Variants in SP100 observed in about 807,000 individuals in gnomAD.
SP100 encodes the protein nuclear autoantigen Sp-100.
Under a neutral mutation model 130.0 loss-of-function variants are expected in SP100, and 84 were observed. The observed-to-expected ratio is 0.65, with a 90% CI of 0.54 to 0.77. The LOEUF is 0.77. Among genes scored for constraint, SP100 ranks in the 30% least tolerant of loss-of-function variants. The pLI, the probability that SP100 is intolerant of heterozygous loss-of-function variation, is 0.00. For synonymous variants in SP100, 331 were observed against 351.7 expected (o/e 0.94, Z 0.66); for missense variants, 978 against 1,052.2 (o/e 0.93, Z 0.97).
chr2:230,488,390 T>G (rs2066223008), intron 17 of SP100, among the ~76,000 whole-genome samples: 1 of 151,866 alleles, frequency 6.6e-6, no homozygotes, highest in Non-Finnish European at 1.5e-5. Context: ...GAGTTTTTTT[T>G]GTTTGTTTGG....
At chr2:230,515,463 G>A (rs1334196698) in intron 24 of SP100, 2 of 1,613,624 alleles carry the variant, frequency 1.2e-6, no homozygotes, top group Non-Finnish European at 1.7e-6. Flanking sequence ...ATGAAAAGAA[G>A]GCTGCAAAGC....
intron 5 of SP100, among the ~76,000 whole-genome samples, chr2:230,447,127 G>C (rs2063745397): frequency 6.6e-6 from 1 of 152,154 alleles, no homozygotes; most frequent in African/African-American, 2.4e-5. Context: ...CAGTAGGCCA[G>C]ATTTACAGAT....
At chr2:230,522,254 T>TTG (rs1691206090) in intron 24 of SP100, among the ~76,000 whole-genome samples, 1 of 152,048 alleles carries the variant, frequency 6.6e-6, no homozygotes, top group African/African-American at 2.4e-5. Flanking sequence ...GTTTTGGTGA[T>TTG]TGTGTGTGTG....
At chr2:230,449,002 G>T in intron 5 of SP100, 86 bp from the exon 6 acceptor site, 1 of 874,478 alleles carries the variant, frequency 1.1e-6, no homozygotes, top group Non-Finnish European at 2.0e-6. Context: ...TAACTCCTAC[G>T]TTACAGAGAC....
At chr2:230,488,577 C>T (rs1402802599) in intron 17 of SP100, among the ~76,000 whole-genome samples, 1 of 152,082 alleles carries the variant, frequency 6.6e-6, no homozygotes, top group Admixed American at 6.6e-5. Context: ...CCATGCCTGG[C>T]TAATTTTTAG....
intron 24 of SP100, chr2:230,515,005 G>A: frequency 6.4e-7 from 1 of 1,569,206 alleles, no homozygotes; most frequent in Non-Finnish European, 8.6e-7. Flanking sequence ...GTACCTTGCT[G>A]AGGAAAAATA....
chr2:230,541,703 C>T (rs961229232), intron 27 of SP100, among the ~76,000 whole-genome samples, 189 bp from the exon 28 acceptor site: 4 of 152,100 alleles, frequency 2.6e-5, no homozygotes, highest in Non-Finnish European at 5.9e-5. Flanking sequence ...TATAAGAGCC[C>T]TAATCCTATT....
At chr2:230,463,952 G>C in intron 10 of SP100, 115 bp from the exon 11 acceptor site, 1 of 683,376 alleles carries the variant, frequency 1.5e-6, no homozygotes, top group Non-Finnish European at 2.6e-6. Context: ...GTGTACAGGC[G>C]AGGACTTGCA....
At chr2:230,437,900 A>C (rs1237224060) in intron 2 of SP100, among the ~76,000 whole-genome samples, 8 of 152,150 alleles carry the variant, frequency 5.3e-5, no homozygotes, top group Admixed American at 4.6e-4. Context: ...TAAATCACTC[A>C]TTAATTTATC....
At chr2:230,443,886 T>C (rs1222670333) in intron 3 of SP100, among the ~76,000 whole-genome samples, 4 of 152,228 alleles carry the variant, frequency 2.6e-5, no homozygotes, top group African/African-American at 9.6e-5. Flanking sequence ...CCTAAAAACA[T>C]ATGGATCAGG....
chr2:230,429,399 T>C lies in SP100; in HGVS notation c.107+11734T>C, dbSNP rs558657338. Among the ~76,000 whole-genome samples the C allele has an allele frequency of 9.2e-5, 14 of 152,334 alleles. No homozygotes were observed. In the South Asian group the frequency reaches 2.5e-3, roughly 27 times the overall value. On this transcript the variant is annotated intron_variant, in intron 2 of 28. Transcript: ENST00000340126. ...TGCTTTCAAAATATTGTCTTTATCT[T>C]TTGATAATTTAATTATAATATTTCT...
intron 8 of SP100, among the ~76,000 whole-genome samples, chr2:230,454,539 A>T (rs749683492): frequency 1.3e-5 from 2 of 152,016 alleles, no homozygotes; most frequent in Non-Finnish European, 2.9e-5. Flanking sequence ...TAATTTCTTC[A>T]TTGACCCATT....
intron 4 of SP100, among the ~76,000 whole-genome samples, chr2:230,444,768 G>A (rs1195033645): frequency 3.9e-5 from 6 of 152,204 alleles, no homozygotes; most frequent in South Asian, 2.1e-4. Context: ...GCCTGTGGGA[G>A]TGTATGTCTC....
chr2:230,449,921 CTG>C (rs965908265), intron 7 of SP100, among the ~76,000 whole-genome samples: 16 of 152,128 alleles, frequency 1.1e-4, no homozygotes, highest in Admixed American at 5.9e-4. Flanking sequence ...AAGCAAAAAA[CTG>C]AGAGAGAAAG....
chr2:230,455,585 T>G (rs952502193), intron 8 of SP100, among the ~76,000 whole-genome samples: 1 of 152,210 alleles, frequency 6.6e-6, no homozygotes, highest in Non-Finnish European at 1.5e-5. Flanking sequence ...CCACTCTATG[T>G]CTTTTGATTG....
At chr2:230,441,798 GT>G (rs986899803) in intron 2 of SP100, among the ~76,000 whole-genome samples, 1 of 152,142 alleles carries the variant, frequency 6.6e-6, no homozygotes, top group African/African-American at 2.4e-5. Flanking sequence ...TAACACATCA[GT>G]TTTTGGCTCT....
At chr2:230,446,263 C>G (rs2063707097) in intron 4 of SP100, among the ~76,000 whole-genome samples, 1 of 152,108 alleles carries the variant, frequency 6.6e-6, no homozygotes, top group African/African-American at 2.4e-5. Context: ...TGTGCAACAC[C>G]ACATCCAGCT....
At chr2:230,494,273 G>A in intron 17 of SP100, 143 bp from the exon 18 acceptor site, 1 of 677,430 alleles carries the variant, frequency 1.5e-6, no homozygotes, top group South Asian at 1.7e-5. Context: ...CAACAACCAA[G>A]ATGGGATGTT....
intron 24 of SP100, chr2:230,516,416 A>T (rs1027832609): frequency 1.3e-5 from 2 of 152,146 alleles, no homozygotes; most frequent in Non-Finnish European, 2.9e-5. Flanking sequence ...GCTGTCAGAT[A>T]TAAGTAACTT....
Sources: gnomAD v4.1 joint callset for allele counts (sites outside exome capture counted in the v4.1 genomes callset) on GRCh38, gnomAD v4.1.1 for gene constraint, MANE v1.5 for transcripts, NCBI Gene and HGNC (gene_info 2026-07-23, HGNC 2026-07-21) for gene names.